SGCZ: variants seen among roughly 807,000 people sequenced by gnomAD.
The protein encoded by SGCZ is sarcoglycan zeta, also known as zeta-sarcoglycan.
In SGCZ, 40 loss-of-function variants were observed where a neutral mutation model predicts 41.3. The observed-to-expected ratio is 0.97, with a 90% CI of 0.75 to 1.26. The LOEUF (loss-of-function observed/expected upper bound fraction) is 1.26. SGCZ is among the 50% of genes most tolerant of loss of function. The pLI is 0.00. For missense variants in SGCZ, 552 were observed against 369.8 expected (o/e 1.49, Z -4.04); for synonymous variants, 206 against 137.5 (o/e 1.50, Z -3.49).
chr8:14,432,622 A>AGT (rs1799974698), intron 2 of SGCZ, among the ~76,000 whole-genome samples: 1 of 152,104 alleles, frequency 6.6e-6, no homozygotes, highest in African/African-American at 2.4e-5. Flanking sequence ...ATCCCTACTA[A>AGT]AGAACTTACA....
At chr8:14,243,994 G>A (rs572807510) in intron 3 of SGCZ, among the ~76,000 whole-genome samples, 10 of 152,006 alleles carry the variant, frequency 6.6e-5, no homozygotes, top group Non-Finnish European at 1.2e-4. Flanking sequence ...TTTGTGTCAC[G>A]CTTGACACAT....
chr8:15,217,200 G>A (rs1183436952), intron 1 of SGCZ, among the ~76,000 whole-genome samples: 5 of 151,632 alleles, frequency 3.3e-5, no homozygotes, highest in Admixed American at 6.6e-5. Flanking sequence ...GGCGGATCAC[G>A]AGGTCAGGAG....
At chr8:15,176,364 T>C (rs1322496258) in intron 1 of SGCZ, among the ~76,000 whole-genome samples, 1 of 152,174 alleles carries the variant, frequency 6.6e-6, no homozygotes, top group East Asian at 1.9e-4. Flanking sequence ...TTAGAAACAA[T>C]TTCTCATTCA....
chr8:14,528,829 A>AAAAAAAT (rs1563388526), intron 2 of SGCZ, among the ~76,000 whole-genome samples: 4 of 76,264 alleles, frequency 5.2e-5, no homozygotes, highest in Non-Finnish European at 7.6e-5. Flanking sequence ...GGACCAGCCA[A>AAAAAAAT]AAAAAAAACA....
chr8:15,179,313 CCTT>C (rs1192489684), intron 1 of SGCZ, among the ~76,000 whole-genome samples: 1 of 152,080 alleles, frequency 6.6e-6, no homozygotes, highest in Non-Finnish European at 1.5e-5. Context: ...GACTTCTTTT[CCTT>C]AGCTTGTTCT....
intron 1 of SGCZ, among the ~76,000 whole-genome samples, chr8:14,904,781 T>C (rs959024716): frequency 3.3e-5 from 5 of 152,028 alleles, no homozygotes; most frequent in African/African-American, 1.2e-4. Flanking sequence ...TGATTTATTT[T>C]ACACTTTTTG....
At chr8:14,590,439 C>T (rs1805204078) in intron 1 of SGCZ, among the ~76,000 whole-genome samples, 1 of 151,626 alleles carries the variant, frequency 6.6e-6, no homozygotes, top group Non-Finnish European at 1.5e-5. Flanking sequence ...ATATGTACAG[C>T]ACAGTAGTAT....
chr8:15,117,619 T>A (rs2116943215), intron 1 of SGCZ, among the ~76,000 whole-genome samples: 1 of 152,282 alleles, frequency 6.6e-6, no homozygotes, highest in Non-Finnish European at 1.5e-5. Context: ...CTACCTCCTC[T>A]CATGGTGGTT....
chr8:14,586,657 G>A (rs1025119541), intron 1 of SGCZ, among the ~76,000 whole-genome samples: 1 of 152,132 alleles, frequency 6.6e-6, no homozygotes, highest in African/African-American at 2.4e-5. Context: ...TTCCATGGAA[G>A]GACCTCAGGA....
At chr8:14,867,942 G>A (rs1454812574) in intron 1 of SGCZ, among the ~76,000 whole-genome samples, 2 of 150,518 alleles carry the variant, frequency 1.3e-5, no homozygotes, top group Non-Finnish European at 3.0e-5. Flanking sequence ...GCCTGAAGAA[G>A]GCATACTGTG....
At chr8:15,090,168 G>T (rs573204575) in intron 1 of SGCZ, among the ~76,000 whole-genome samples, 1 of 152,070 alleles carries the variant, frequency 6.6e-6, no homozygotes, top group South Asian at 2.1e-4. Context: ...CATAGACAAA[G>T]GTCATGACAT....
intron 1 of SGCZ, among the ~76,000 whole-genome samples, chr8:15,212,439 C>T (rs752025365): frequency 9.9e-5 from 15 of 152,052 alleles, no homozygotes; most frequent in African/African-American, 1.9e-4. Context: ...CGTTTCAAGG[C>T]GTCTTGCAGA....
chr8:14,915,054 G>C (rs968359494), intron 1 of SGCZ, among the ~76,000 whole-genome samples: 1 of 151,982 alleles, frequency 6.6e-6, no homozygotes, highest in Non-Finnish European at 1.5e-5. Flanking sequence ...TTTTTTTTCA[G>C]CTAGTAAAAG....
intron 1 of SGCZ, among the ~76,000 whole-genome samples, chr8:14,866,027 T>A (rs1486815922): frequency 6.6e-6 from 1 of 152,108 alleles, no homozygotes; most frequent in Non-Finnish European, 1.5e-5. Flanking sequence ...AGTTTTGATT[T>A]TTTTATAGAA....
chr8:15,230,143 G>A (rs1017116826), intron 1 of SGCZ, among the ~76,000 whole-genome samples: 1 of 148,024 alleles, frequency 6.8e-6, no homozygotes, highest in African/African-American at 2.5e-5. Context: ...ACGGTAATTT[G>A]ACCCAAAACT....
At chr8:14,773,815 C>G (rs1157910406) in intron 1 of SGCZ, among the ~76,000 whole-genome samples, 5 of 152,310 alleles carry the variant, frequency 3.3e-5, no homozygotes, top group African/African-American at 1.2e-4. Flanking sequence ...ACCCAATTGC[C>G]TCAATTCCTC....
intron 2 of SGCZ, among the ~76,000 whole-genome samples, chr8:14,333,130 A>G (rs1802395877): frequency 1.3e-5 from 2 of 152,264 alleles, no homozygotes; most frequent in Non-Finnish European, 2.9e-5. Context: ...TATTAGTTAC[A>G]TGATGCAGAT....
chr8:14,314,259 T>C (rs764547999), intron 3 of SGCZ, among the ~76,000 whole-genome samples: 30 of 151,474 alleles, frequency 2.0e-4, no homozygotes, highest in Non-Finnish European at 3.7e-4. Context: ...TCTCCCAGTT[T>C]TAATGAGGGT....
At chr8:14,144,011 A>G (rs1246825997) in intron 5 of SGCZ, among the ~76,000 whole-genome samples, 1 of 152,164 alleles carries the variant, frequency 6.6e-6, no homozygotes, top group Non-Finnish European at 1.5e-5. Context: ...ACCAAGGGAT[A>G]CAGTGCTCTG....
Sources: allele counts gnomAD v4.1 joint callset (sites outside exome capture counted in the v4.1 genomes callset), GRCh38; gene constraint gnomAD v4.1.1; transcripts MANE v1.5; gene names NCBI Gene and HGNC (gene_info 2026-07-23, HGNC 2026-07-21).